Variants in NWD2 observed in about 807,000 individuals in gnomAD.
NWD2 encodes NACHT and WD repeat domain-containing protein 2.
A neutral mutation model predicts 132.7 loss-of-function variants in NWD2; 37 were observed. The observed-to-expected ratio is 0.28, with a 90% CI of 0.21 to 0.37. NWD2 has a LOEUF of 0.37. NWD2 is among the 10% of genes least tolerant of loss of function. The pLI, the probability that NWD2 is intolerant of heterozygous loss-of-function variation, is 1.00. For synonymous variants in NWD2, 705 were observed against 803.0 expected (o/e 0.88, Z 2.06); for missense variants, 1,592 against 2,122.4 (o/e 0.75, Z 4.91).
At chr4:37,422,803 T>G (rs1464919789) in intron 3 of NWD2, among the ~76,000 whole-genome samples, 2 of 152,216 alleles carry the variant, frequency 1.3e-5, no homozygotes, top group Admixed American at 1.3e-4. Flanking sequence ...CAAAACAATC[T>G]GCTTACATCA....
At chr4:37,369,833 T>C (rs1720179935) in intron 3 of NWD2, among the ~76,000 whole-genome samples, 1 of 152,176 alleles carries the variant, frequency 6.6e-6, no homozygotes, top group African/African-American at 2.4e-5. Context: ...ATGCACAGAA[T>C]GGCTGAACGT....
At chr4:37,372,149 C>T (rs149281678) in intron 3 of NWD2, among the ~76,000 whole-genome samples, 1 of 152,234 alleles carries the variant, frequency 6.6e-6, no homozygotes, top group East Asian at 1.9e-4. Flanking sequence ...TTACTTGTCT[C>T]TACCTCAACA....
intron 3 of NWD2, among the ~76,000 whole-genome samples, chr4:37,385,496 C>T (rs1720541454): frequency 6.6e-6 from 1 of 152,124 alleles, no homozygotes; most frequent in African/African-American, 2.4e-5. Flanking sequence ...TCTCTCTGCC[C>T]ACAGGTAAAT....
At chr4:37,308,271 T>C (rs1656221) in intron 1 of NWD2, among the ~76,000 whole-genome samples, 11,121 of 152,216 alleles carry the variant, frequency 0.073, 1,248 homozygotes, top group African/African-American at 0.24. Flanking sequence ...AGACTTTTTC[T>C]GGCAGATGTG....
At chr4:37,271,622 A>G (rs1717872168) in intron 1 of NWD2, among the ~76,000 whole-genome samples, 1 of 151,802 alleles carries the variant, frequency 6.6e-6, no homozygotes, top group Admixed American at 6.6e-5. Flanking sequence ...AAACAAAACC[A>G]TATCATCTAG....
Position 37,294,130 on chromosome 4 carries a change from C to G in NWD2, c.152-31806C>G, listed in dbSNP as rs1347325526. Among the ~76,000 whole-genome samples the G allele has an allele frequency of 8.5e-5, 13 of 152,106 alleles. 1 individual carries two copies. Among genetic ancestry groups the G allele is most frequent in the Admixed American group, 8.5e-4 (13 of 15,270 alleles). The stretch of plus-strand genomic sequence containing the variant: ...GAGGGAATATAATGGGAGGGAACCA[C>G]AGAGTTGATGCAATAAGACAAATGT... On this transcript the variant is annotated intron_variant, in intron 1 of 6. Transcript: ENST00000309447.
At chr4:37,431,336 T>C (rs1403809216) in intron 4 of NWD2, among the ~76,000 whole-genome samples, 1 of 152,200 alleles carries the variant, frequency 6.6e-6, no homozygotes, top group East Asian at 1.9e-4. Flanking sequence ...TATTATTCAG[T>C]CTTTTTAAAA....
intron 1 of NWD2, among the ~76,000 whole-genome samples, chr4:37,254,335 T>C (rs1577645142): frequency 6.6e-6 from 1 of 152,350 alleles, no homozygotes; most frequent in South Asian, 2.1e-4. Context: ...CTTTGAGCTC[T>C]AAGCATTGAT....
intron 3 of NWD2, among the ~76,000 whole-genome samples, chr4:37,388,484 G>C (rs55791236): frequency 0.069 from 10,546 of 151,954 alleles, 449 homozygotes; most frequent in Middle Eastern, 0.2. Flanking sequence ...ACGCCTAGCC[G>C]ACAGCTGTAG....
At chr4:37,302,427 T>A (rs1560389330) in intron 1 of NWD2, among the ~76,000 whole-genome samples, 1 of 152,136 alleles carries the variant, frequency 6.6e-6, no homozygotes, top group Non-Finnish European at 1.5e-5. Context: ...AACATGGAAG[T>A]GCAGATACCT....
Position 37,246,084 on chromosome 4 carries a change from A to T in NWD2, c.151+866A>T, listed in dbSNP as rs972764636. Among the ~76,000 whole-genome samples, 15 of 152,320 alleles carry T rather than the reference A, an allele frequency of 9.8e-5. 1 individual carries two copies. The highest frequency in any genetic ancestry group is 9.8e-4 in the Admixed American group (15 of 15,300). On this transcript the variant is annotated intron_variant, in intron 1 of 6. Coordinates refer to ENST00000309447, the MANE Select transcript of NWD2 (RefSeq NM_001144990.2). ...TTTGACTGGGGCAGGATAAAACTGC[A>T]GGAATTGCTCTTTTCTAGGAAAAAA...
intron 2 of NWD2, among the ~76,000 whole-genome samples, chr4:37,330,185 A>G (rs965663072): frequency 2.6e-5 from 4 of 152,202 alleles, no homozygotes; most frequent in Admixed American, 2.6e-4. Context: ...ATATTTGATG[A>G]AAATACACTA....
At chr4:37,301,774 A>C (rs966616549) in intron 1 of NWD2, among the ~76,000 whole-genome samples, 1 of 151,958 alleles carries the variant, frequency 6.6e-6, no homozygotes, top group Admixed American at 6.6e-5. Flanking sequence ...TGTATTTCAG[A>C]TAATTTTGTA....
chr4:37,302,221 C>T (rs1049750867), intron 1 of NWD2, among the ~76,000 whole-genome samples: 1 of 152,000 alleles, frequency 6.6e-6, no homozygotes. Context: ...CTTTATCCTT[C>T]TGTGCCTGAC....
At chr4:37,278,677 A>T (rs1040043278) in intron 1 of NWD2, among the ~76,000 whole-genome samples, 2 of 152,194 alleles carry the variant, frequency 1.3e-5, no homozygotes, top group Non-Finnish European at 2.9e-5. Context: ...CTGAACCTTC[A>T]TAGAAACCAG....
intron 1 of NWD2, among the ~76,000 whole-genome samples, chr4:37,323,244 A>G (rs1005350113): frequency 2.0e-5 from 3 of 152,222 alleles, no homozygotes; most frequent in Non-Finnish European, 2.9e-5. Flanking sequence ...AAAAGAATCT[A>G]TTAACAGAGT....
intron 2 of NWD2, among the ~76,000 whole-genome samples, chr4:37,354,985 G>A (rs571355464): frequency 5.3e-5 from 8 of 151,652 alleles, no homozygotes; most frequent in South Asian, 2.1e-4. Flanking sequence ...GATGATTTCT[G>A]TGCTCTTCTG....
chr4:37,398,626 C>A (rs987360394), intron 3 of NWD2, among the ~76,000 whole-genome samples: 1 of 152,184 alleles, frequency 6.6e-6, no homozygotes, highest in East Asian at 1.9e-4. Flanking sequence ...TTGCCACAAC[C>A]TTTGGCCCCT....
At chr4:37,384,113 C>T (rs1325850254) in intron 3 of NWD2, among the ~76,000 whole-genome samples, 2 of 152,216 alleles carry the variant, frequency 1.3e-5, no homozygotes, top group East Asian at 3.8e-4. Flanking sequence ...CTCTCCCTCC[C>T]CACGTCTGAT....
Sources: gnomAD v4.1 joint callset for allele counts (sites outside exome capture counted in the v4.1 genomes callset) on GRCh38, gnomAD v4.1.1 for gene constraint, MANE v1.5 for transcripts, NCBI Gene and HGNC (gene_info 2026-07-23, HGNC 2026-07-21) for gene names.